The following NADSYN1 variants were observed in gnomAD, a reference collection of about 807,000 sequenced individuals.
NADSYN1 encodes the protein glutamine-dependent NAD(+) synthetase.
A neutral mutation model predicts 99.3 loss-of-function variants in NADSYN1; 80 were observed. The observed-to-expected ratio is 0.81, with a 90% CI of 0.67 to 0.97. The LOEUF (loss-of-function observed/expected upper bound fraction) is 0.97. Among genes scored for constraint, NADSYN1 ranks in the 50% least tolerant of loss-of-function variants. The probability of loss-of-function intolerance (pLI) is 0.00; values close to 1 mark genes in which losing one functional copy is unlikely to be tolerated. For missense variants in NADSYN1, 859 were observed against 948.5 expected (o/e 0.91, Z 1.24); for synonymous variants, 385 against 372.1 (o/e 1.03, Z -0.40).
At chr11:71,460,537 T>C (rs751891436) in intron 3 of NADSYN1, among the ~76,000 whole-genome samples, 2 of 152,298 alleles carry the variant, frequency 1.3e-5, no homozygotes, top group East Asian at 1.9e-4. Flanking sequence ...TTATTTTTCA[T>C]AGAGACAGGG....
Position 71,482,934 on chromosome 11 carries a change from A to G in NADSYN1, c.1236A>G (p.Ile412Met). 1.2e-6 allele frequency: 2 copies of G among 1,613,112 alleles called. No individual in the cohort carries two copies. The highest frequency in any genetic ancestry group is 1.7e-6 in the Non-Finnish European group (2 of 1,179,626). Residue 412 changes from isoleucine (I) to methionine (M), a missense_variant, in exon 14 of 21, where the codon ATA becomes ATG. Coordinates refer to ENST00000319023, the MANE Select transcript of NADSYN1 (RefSeq NM_018161.5). ...PQDPRDLCGR[I>M]LTTCYMASKN... ...ATCCCCGAGACCTCTGTGGACGCAT[A>G]CTGACCACCTGCTACATGGCCAGCA...
intron 1 of NADSYN1, among the ~76,000 whole-genome samples, chr11:71,453,729 T>C (rs1949495506): frequency 6.6e-6 from 1 of 152,184 alleles, no homozygotes; most frequent in South Asian, 2.1e-4. Context: ...TTGAACAGAA[T>C]GGCTGCGCAC....
chr11:71,479,022 T>A, intron 10 of NADSYN1: 1 of 159,668 alleles, frequency 6.3e-6, no homozygotes, highest in Non-Finnish European at 1.4e-5. Flanking sequence ...GCAGCTGTCA[T>A]GAGACAGTGA....
chr11:71,481,900 G>A (rs777071294), intron 12 of NADSYN1, 23 bp from the exon 13 acceptor site: 5 of 1,604,676 alleles, frequency 3.1e-6, no homozygotes, highest in South Asian at 2.2e-5. Flanking sequence ...CTCTGCTCAC[G>A]CTGTCTGATT....
Position 71,453,232 on chromosome 11 carries a change from T to A in NADSYN1, c.-65T>A. The A allele has an allele frequency of 6.8e-7, 1 of 1,463,240 alleles. No homozygotes were observed. The highest frequency in any genetic ancestry group is 9.4e-7 in the Non-Finnish European group (1 of 1,058,418). The allele number at this position is 1,463,240 out of a possible 1,614,324, so 90.6% of individuals were successfully genotyped here. A position where few individuals can be genotyped will look rare whatever the true frequency, so the allele number is the denominator to read the frequency against. On this transcript the variant is annotated 5_prime_UTR_variant, in exon 1 of 21. Transcript: ENST00000319023. ...CGGAAGGTCCGGCGTCCCAGCCGCC[T>A]ACCTCGCTGGGACCCTGGTCTTGCT... is the stretch of plus-strand genomic sequence containing the variant.
chr11:71,455,008 G>GTTT, intron 1 of NADSYN1, 102 bp from the exon 2 acceptor site: 2 of 723,290 alleles, frequency 2.8e-6, no homozygotes, highest in Non-Finnish European at 2.1e-6. Flanking sequence ...TTTGTTGTTT[G>GTTT]TTTTTTTTTT....
Position 71,501,288 on chromosome 11 carries a change from G to A in NADSYN1, c.2071-14G>A. 1 of 1,566,068 alleles carries A rather than the reference G, an allele frequency of 6.4e-7. No individual in the cohort carries two copies. The highest frequency in any genetic ancestry group is 8.7e-7 in the Non-Finnish European group (1 of 1,155,316). On this transcript the variant is annotated splice_polypyrimidine_tract_variant and intron_variant, in intron 20 of 20. Transcript: ENST00000319023. ...TCTTTGCGGGGCTGTGGTGTCACAG[G>A]CCTCTCTTTCCAGGTGCTACAGCTC...
chr11:71,489,023 G>C (rs1217652916), intron 16 of NADSYN1, among the ~76,000 whole-genome samples: 1 of 151,930 alleles, frequency 6.6e-6, no homozygotes, highest in African/African-American at 2.4e-5. Context: ...GGAGGGGTGG[G>C]TTCAGAGGCA....
At chr11:71,475,694 G>A (rs1565601093) in intron 9 of NADSYN1, 1 of 251,108 alleles carries the variant, frequency 4.0e-6, no homozygotes, top group Non-Finnish European at 7.9e-6. Context: ...CCTTGGGGAG[G>A]TTTGGGCCAC....
chr11:71,467,506 A>G (rs1332534515), intron 5 of NADSYN1, among the ~76,000 whole-genome samples: 1 of 152,232 alleles, frequency 6.6e-6, no homozygotes, highest in Non-Finnish European at 1.5e-5. Context: ...AAGTGTTCCT[A>G]ATACACTGAA....
chr11:71,492,528 A>T (rs1472375289), intron 18 of NADSYN1, among the ~76,000 whole-genome samples: 1 of 152,166 alleles, frequency 6.6e-6, no homozygotes, highest in Non-Finnish European at 1.5e-5. Context: ...TGAAAGGATG[A>T]TCCTTTCCCC....
rs908539326 is a variant in NADSYN1 at position 71,482,038 on chromosome 11, T to A, written c.1150+13T>A. Reference sequence around the variant, plus strand: ...GTGAGGAGTGGAAGTAGGTGACATCTGTTGGCTTGAGGGAGGCTCCAGGGT... The same window carrying A: ...GTGAGGAGTGGAAGTAGGTGACATCAGTTGGCTTGAGGGAGGCTCCAGGGT... On this transcript the variant is annotated intron_variant, in intron 13 of 20. Transcript: ENST00000319023. 61 of 1,601,886 alleles carry A rather than the reference T, an allele frequency of 3.8e-5. No individual in the cohort carries two copies. Among genetic ancestry groups the A allele is most frequent in the Non-Finnish European group, 5.1e-5 (60 of 1,174,030 alleles).
intron 9 of NADSYN1, chr11:71,476,578 C>A: frequency 1.2e-6 from 1 of 856,746 alleles, no homozygotes; most frequent in Non-Finnish European, 1.4e-6. Context: ...AGGGTGTGGC[C>A]GTCTCGACTC....
intron 18 of NADSYN1, 125 bp from the exon 19 acceptor site, chr11:71,497,358 C>G (rs915876554): frequency 4.8e-6 from 6 of 1,249,222 alleles, no homozygotes; most frequent in Non-Finnish European, 6.7e-6. Context: ...AAGCCCACCT[C>G]TGCTCCTGCC....
chr11:71,495,411 G>C (rs1033898942), intron 18 of NADSYN1, among the ~76,000 whole-genome samples: 4 of 152,198 alleles, frequency 2.6e-5, no homozygotes, highest in Non-Finnish European at 5.9e-5. Context: ...ATTTAAAGTT[G>C]TCTGAGGCTT....
chr11:71,470,260 A>G (rs933194538), intron 5 of NADSYN1, among the ~76,000 whole-genome samples: 2 of 152,262 alleles, frequency 1.3e-5, no homozygotes, highest in Non-Finnish European at 2.9e-5. Flanking sequence ...TACAGGAGCT[A>G]TGATTCAAGA....
Position 71,473,587 on chromosome 11 carries a change from C to T in NADSYN1, c.567C>T (p.Gly189=). The part of the protein sequence containing the change: ...WTPHSPHIDM[G]LDGVEIITNA... ...CCTGCAGCCCGCACATCGACATGGG[C>T]CTGGATGGCGTGGAGATCATCACCA... The change falls in exon 8 of 21, where the codon GGC becomes GGT. Residue 189 remains glycine, a synonymous_variant. Transcript: ENST00000319023. 6.2e-7 allele frequency: 1 copy of T among 1,612,156 alleles called. No homozygotes were observed. The highest frequency in any genetic ancestry group is 8.5e-7 in the Non-Finnish European group (1 of 1,179,258).
chr11:71,494,534 A>ATTTTT (rs1414068919), intron 18 of NADSYN1, among the ~76,000 whole-genome samples: 1 of 72,334 alleles, frequency 1.4e-5, no homozygotes, highest in Non-Finnish European at 3.5e-5. Context: ...TGATCCAAAA[A>ATTTTT]TTTCTTTTGT....
At chr11:71,471,558 C>T (rs1051269678) in intron 5 of NADSYN1, among the ~76,000 whole-genome samples, 2 of 152,174 alleles carry the variant, frequency 1.3e-5, no homozygotes, top group East Asian at 1.9e-4. Flanking sequence ...TTGCATGAGT[C>T]GAGGGAAAGG....
Sources: allele counts gnomAD v4.1 joint callset (sites outside exome capture counted in the v4.1 genomes callset), GRCh38; gene constraint gnomAD v4.1.1; transcripts MANE v1.5; gene names NCBI Gene and HGNC (gene_info 2026-07-23, HGNC 2026-07-21).